Variants in SSPN observed in about 807,000 individuals in gnomAD.
SSPN encodes K-ras oncogene-associated protein.
SSPN carries 15 observed loss-of-function variants against 19.1 expected under a neutral mutation model. That is an observed-to-expected ratio of 0.78 (90% CI 0.52 to 1.21). The LOEUF is 1.21. Among genes scored for constraint, SSPN ranks in the 50% most tolerant of loss-of-function variants. The probability of loss-of-function intolerance (pLI) is 0.00; values close to 1 mark genes in which losing one functional copy is unlikely to be tolerated. For missense variants in SSPN, 291 were observed against 314.0 expected, an observed-to-expected ratio of 0.93 and a Z score of 0.55; for synonymous variants, 147 against 140.3, an observed-to-expected ratio of 1.05 and a Z score of -0.34.
At position 26,232,853 on chromosome 12, in the gene SSPN, C is replaced by A. The variant is rs9214; in HGVS notation, c.*1777C>A. The A allele has an allele frequency of 0.21, 69,794 of 327,638 alleles. 8,058 individuals are homozygous for A. Among genetic ancestry groups the A allele is most frequent in the Admixed American group, 0.36 (5,281 of 14,550 alleles). The allele number at this position is 327,638 out of a possible 1,614,324, so 20.3% of individuals were successfully genotyped here. The stretch of plus-strand genomic sequence containing the variant: ...GAGCTTAGAGGATAAGTCTCTGGAG[C>A]AGAATTTATCACACACAAAAGTTAC... On this transcript the variant is annotated 3_prime_UTR_variant, in exon 3 of 3. Transcript: ENST00000242729.
chr12:26,128,476 G>A lies in SSPN; in HGVS notation c.-31+6324G>A, dbSNP rs117625315. Reference sequence around the variant, plus strand: ...ATGGAAGTACAGTTTAGAAAAGGCTGATGGTGACCAGCTGTTCACCAGCTC... The same window carrying A: ...ATGGAAGTACAGTTTAGAAAAGGCTAATGGTGACCAGCTGTTCACCAGCTC... On this transcript the variant is annotated intron_variant, in intron 1 of 2. Transcript: ENST00000538142. 8.1e-4 allele frequency among the ~76,000 whole-genome samples: 124 copies of A among 152,336 alleles called. 1 individual carries two copies. The East Asian group carries it at 0.018, about 22-fold the overall frequency.
intron 1 of SSPN, among the ~76,000 whole-genome samples, chr12:26,223,365 C>G (rs1249724232): frequency 6.6e-6 from 1 of 152,202 alleles, no homozygotes; most frequent in Non-Finnish European, 1.5e-5. Flanking sequence ...TGTGCACCAC[C>G]ACGCCTGGCT....
intron 1 of SSPN, among the ~76,000 whole-genome samples, chr12:26,179,501 G>T (rs1475894205): frequency 6.6e-6 from 1 of 152,132 alleles, no homozygotes; most frequent in Non-Finnish European, 1.5e-5. Context: ...CAAGAGCAAG[G>T]TGGGTCTGTA....
chr12:26,223,018 A>G (rs1404359518), intron 1 of SSPN, among the ~76,000 whole-genome samples: 3 of 152,146 alleles, frequency 2.0e-5, no homozygotes, highest in African/African-American at 4.8e-5. Context: ...CACCTGATAT[A>G]TTGATCTTGC....
At chr12:26,176,486 A>G (rs1374381857) in intron 1 of SSPN, among the ~76,000 whole-genome samples, 3 of 152,170 alleles carry the variant, frequency 2.0e-5, no homozygotes, top group Admixed American at 2.0e-4. Context: ...ATGTTCAAAC[A>G]CTGTGTGTTA....
intron 1 of SSPN, among the ~76,000 whole-genome samples, chr12:26,188,881 G>A (rs1247565085): frequency 2.6e-5 from 4 of 152,006 alleles, no homozygotes; most frequent in African/African-American, 9.7e-5. Flanking sequence ...CTGTATTCTC[G>A]TAACCTGTCT....
chr12:26,221,381 C>T (rs1232832967), intron 1 of SSPN, among the ~76,000 whole-genome samples: 2 of 152,270 alleles, frequency 1.3e-5, no homozygotes, highest in East Asian at 3.9e-4. Context: ...TCTCTTTTCC[C>T]ACTGGACTGG....
chr12:26,123,482 G>A, intron 1 of SSPN: 1 of 722,394 alleles, frequency 1.4e-6, no homozygotes, highest in Non-Finnish European at 2.5e-6. Flanking sequence ...TCGTTCCAAT[G>A]AAGGGAAAGT....
chr12:26,193,918 A>G (rs1017513120), upstream of SSPN, among the ~76,000 whole-genome samples: 9 of 152,224 alleles, frequency 5.9e-5, no homozygotes, highest in African/African-American at 2.2e-4. Flanking sequence ...TTTGTCTTCA[A>G]AGTTACTTTT....
chr12:26,222,673 T>C (rs774050609), intron 1 of SSPN, among the ~76,000 whole-genome samples: 6 of 152,222 alleles, frequency 3.9e-5, no homozygotes, highest in Non-Finnish European at 7.3e-5. Flanking sequence ...TTTTAAGCTT[T>C]CCAAAATTGA....
rs1345999478 is a variant in SSPN at position 26,201,036 on chromosome 12, T to TAAATA, written c.279+5086_279+5087insAATAA. Among the ~76,000 whole-genome samples the TAAATA allele has an allele frequency of 2.4e-3, 144 of 61,118 alleles. 3 individuals carry two copies. Among genetic ancestry groups the TAAATA allele is most frequent in the African/African-American group, 6.1e-3 (98 of 16,144 alleles). The allele number at this position is 61,118 out of a possible 152,430, so 40.1% of individuals were successfully genotyped here. A position where few individuals can be genotyped will look rare whatever the true frequency, so the allele number is the denominator to read the frequency against. ...GTATATATATATATATATATATATA[T>TAAATA]ATATATATATTATATATATATATTT... On this transcript the variant is annotated intron_variant, in intron 1 of 2. Coordinates refer to ENST00000242729, the MANE Select transcript of SSPN (RefSeq NM_005086.5).
At chr12:26,188,639 A>G (rs1944768727) in intron 1 of SSPN, among the ~76,000 whole-genome samples, 1 of 152,260 alleles carries the variant, frequency 6.6e-6, no homozygotes, top group Admixed American at 6.5e-5. Flanking sequence ...AGGATTTTAA[A>G]GAAATGTTGT....
chr12:26,136,897 G>A (rs983386021), intron 1 of SSPN, among the ~76,000 whole-genome samples: 9 of 152,200 alleles, frequency 5.9e-5, no homozygotes, highest in Admixed American at 3.9e-4. Flanking sequence ...CAAATTGGGG[G>A]AAATCCTGTT....
At chr12:26,148,476 T>C (rs950023761) in intron 1 of SSPN, among the ~76,000 whole-genome samples, 1 of 152,224 alleles carries the variant, frequency 6.6e-6, no homozygotes, top group Non-Finnish European at 1.5e-5. Flanking sequence ...TGTGTGATGA[T>C]AAAGAACGGG....
chr12:26,163,810 T>C (rs1944604372), intron 1 of SSPN, among the ~76,000 whole-genome samples: 3 of 152,360 alleles, frequency 2.0e-5, no homozygotes, highest in Middle Eastern at 3.4e-3. Flanking sequence ...AATACTGATA[T>C]GTTATATCTT....
Position 26,122,631 on chromosome 12 carries a change from C to T in SSPN, c.-31+479C>T, listed in dbSNP as rs1387397479. On this transcript the variant is annotated intron_variant, in intron 1 of 2. Coordinates refer to the SSPN transcript ENST00000538142. ...CGCGGCTGCCGCCGCCGCCGCGCCG[C>T]CCCCCGGGCCGCCGCCGCTGCCGCC... The T allele has an allele frequency of 1.7e-5, 21 of 1,241,456 alleles. 1 individual carries two copies. Among genetic ancestry groups the T allele is most frequent in the Non-Finnish European group, 2.0e-5 (20 of 994,456 alleles). 76.9% of individuals were successfully genotyped at this position (1,241,456 alleles called of 1,614,324 possible). A position where few individuals can be genotyped will look rare whatever the true frequency, so the allele number is the denominator to read the frequency against.
chr12:26,146,408 T>G (rs1172569821), intron 1 of SSPN, among the ~76,000 whole-genome samples: 1 of 152,234 alleles, frequency 6.6e-6, no homozygotes. Context: ...GGGACATTTA[T>G]GCTGTTAAAT....
intron 1 of SSPN, chr12:26,180,196 C>T (rs1047737037): frequency 2.0e-5 from 3 of 151,986 alleles, no homozygotes; most frequent in Admixed American, 6.6e-5. Flanking sequence ...GAGGTGTGAA[C>T]GAATAATGAA....
intron 1 of SSPN, chr12:26,124,641 C>A (rs1944346987): frequency 6.2e-7 from 1 of 1,612,282 alleles, no homozygotes; most frequent in East Asian, 2.2e-5. Flanking sequence ...CCCTCGCCAG[C>A]TCCATACCAC....
Sources: gnomAD v4.1 joint callset for allele counts (sites outside exome capture counted in the v4.1 genomes callset) on GRCh38, gnomAD v4.1.1 for gene constraint, MANE v1.5 for transcripts, NCBI Gene and HGNC (gene_info 2026-07-23, HGNC 2026-07-21) for gene names.